Variants in NRXN1 observed in about 807,000 individuals in gnomAD.
NRXN1 encodes neurexin 1, also known as neurexin-1.
In NRXN1, 39 loss-of-function variants were observed where a neutral mutation model predicts 150.9. The observed-to-expected ratio is 0.26, with a 90% CI of 0.20 to 0.34. NRXN1 has a LOEUF of 0.34. Ranked by LOEUF, NRXN1 falls within the 10% of genes least tolerant of loss-of-function variation. NRXN1 has a pLI of 1.00. For missense variants in NRXN1, 1,815 were observed against 1,949.9 expected, an observed-to-expected ratio of 0.93 and a Z score of 1.30; for synonymous variants, 924 against 757.0, an observed-to-expected ratio of 1.22 and a Z score of -3.62.
intron 5 of NRXN1, among the ~76,000 whole-genome samples, chr2:50,880,426 T>C (rs977073794): frequency 6.6e-6 from 1 of 152,008 alleles, no homozygotes; most frequent in African/African-American, 2.4e-5. Context: ...TGTGATCACA[T>C]ATTACATGTC....
chr2:49,921,249 C>T lies in NRXN1; in HGVS notation c.*695G>A, dbSNP rs964258790. 1.3e-5 allele frequency: 2 copies of T among 152,586 alleles called. No homozygotes were observed. The highest frequency in any genetic ancestry group is 4.8e-5 in the African/African-American group (2 of 41,436). The allele number at this position is 152,586 out of a possible 1,614,324, so 9.5% of individuals were successfully genotyped here. On this transcript the variant is annotated 3_prime_UTR_variant, in exon 23 of 23. Transcript: ENST00000401669. ...CATGAAAATTTCCCAATGATTGCAT[C>T]TATGCCCTCTTGTTTTTGTTTTGAA...
rs796052781 is a variant in NRXN1 at position 50,497,397 on chromosome 2, C to T, written c.2815G>A (p.Asp939Asn). The T allele has an allele frequency of 3.1e-6, 5 of 1,597,592 alleles. No homozygotes were observed. In the African/African-American group the frequency reaches 6.7e-5, roughly 21 times the overall value. ...LFFQFKTTSL[D>N]GLILYNSGDG... is the part of the protein sequence containing the mutation. The stretch of plus-strand genomic sequence containing the variant: ...CCACTGTTATATAGAATTAATCCAT[C>T]TAGGGATGTTGTCTTGAACTGGAAA... Residue 939 changes from aspartate to asparagine, a missense_variant, in exon 14 of 23, where the codon GAT becomes AAT. Physicochemically the swap from Asp to Asn is conservative, Grantham distance 23. Transcript: ENST00000401669.
chr2:50,403,968 G>C (rs1016931894), intron 17 of NRXN1, among the ~76,000 whole-genome samples: 1 of 151,972 alleles, frequency 6.6e-6, no homozygotes, highest in South Asian at 2.1e-4. Flanking sequence ...TGCTATACTA[G>C]CAACACCTAT....
At chr2:50,684,635 G>T (rs1690949951) in intron 5 of NRXN1, among the ~76,000 whole-genome samples, 1 of 152,118 alleles carries the variant, frequency 6.6e-6, no homozygotes, top group Admixed American at 6.6e-5. Flanking sequence ...CTGCCTCGAA[G>T]GTGGCCATAA....
At chr2:51,011,391 T>C (rs760401390) in intron 2 of NRXN1, among the ~76,000 whole-genome samples, 8 of 151,970 alleles carry the variant, frequency 5.3e-5, no homozygotes, top group Admixed American at 1.3e-4. Context: ...GATGGGATGA[T>C]AAATTACTAT....
intron 17 of NRXN1, among the ~76,000 whole-genome samples, chr2:50,430,764 A>G (rs1022366055): frequency 6.6e-6 from 1 of 152,218 alleles, no homozygotes; most frequent in Non-Finnish European, 1.5e-5. Context: ...AATTACACCA[A>G]TGACTACAAG....
chr2:50,743,423 A>G (rs1230524147), intron 5 of NRXN1, among the ~76,000 whole-genome samples: 2 of 152,148 alleles, frequency 1.3e-5, no homozygotes, highest in Non-Finnish European at 2.9e-5. Flanking sequence ...TTCAAATGAG[A>G]CAATTTTGTG....
chr2:50,259,718 T>G (rs1391305578), intron 17 of NRXN1, among the ~76,000 whole-genome samples: 1 of 151,920 alleles, frequency 6.6e-6, no homozygotes, highest in African/African-American at 2.4e-5. Flanking sequence ...ATCTGAATAT[T>G]TGCAGTGTTC....
At chr2:50,418,266 C>A (rs978732518) in intron 17 of NRXN1, among the ~76,000 whole-genome samples, 1 of 151,970 alleles carries the variant, frequency 6.6e-6, no homozygotes, top group African/African-American at 2.4e-5. Flanking sequence ...CCTGAACAGG[C>A]TCAAAAAGTT....
intron 17 of NRXN1, among the ~76,000 whole-genome samples, chr2:50,463,732 G>C (rs1323916503): frequency 1.3e-5 from 2 of 151,702 alleles, no homozygotes; most frequent in East Asian, 3.9e-4. Flanking sequence ...ACTGGTATAT[G>C]AGGATACACA....
rs543241200 is a variant in NRXN1 at position 50,783,492 on chromosome 2, C to A, written c.832+138377G>T. ...ATGTCCTCAGAGAATAAAACAAAAT[C>A]ATAGATCAGGGTATTCTTTTTATTT... On this transcript the variant is annotated intron_variant, in intron 5 of 22. Coordinates refer to ENST00000401669, the MANE Select transcript of NRXN1 (RefSeq NM_001330078.2). 2.0e-5 allele frequency among the ~76,000 whole-genome samples: 3 copies of A among 152,186 alleles called. No individual in the cohort carries two copies. In the East Asian group the frequency reaches 5.8e-4, roughly 29 times the overall value.
intron 17 of NRXN1, among the ~76,000 whole-genome samples, chr2:50,459,586 A>G (rs933018345): frequency 2.0e-5 from 3 of 152,072 alleles, no homozygotes; most frequent in Non-Finnish European, 2.9e-5. Flanking sequence ...TCCTGCATTC[A>G]TTTGCTAAGG....
chr2:50,049,272 G>A (rs1218380568), intron 21 of NRXN1, among the ~76,000 whole-genome samples: 1 of 152,104 alleles, frequency 6.6e-6, no homozygotes, highest in African/African-American at 2.4e-5. Context: ...GAAGACAGAG[G>A]TGAAATCTAT....
chr2:50,560,184 T>C (rs563618855), intron 8 of NRXN1, among the ~76,000 whole-genome samples: 2 of 152,316 alleles, frequency 1.3e-5, no homozygotes, highest in African/African-American at 2.4e-5. Context: ...GCATAGGACA[T>C]GATTCTAGCA....
chr2:50,115,327 C>T (rs1702911586), intron 18 of NRXN1, among the ~76,000 whole-genome samples: 2 of 150,614 alleles, frequency 1.3e-5, no homozygotes, highest in Admixed American at 1.3e-4. Flanking sequence ...AGTAGGACCA[C>T]AGAAGAAACA....
intron 5 of NRXN1, among the ~76,000 whole-genome samples, chr2:50,694,346 A>G (rs961234852): frequency 3.9e-5 from 6 of 152,150 alleles, no homozygotes; most frequent in African/African-American, 1.4e-4. Context: ...ATCTTTTTGC[A>G]TCGGTTTCCC....
At chr2:50,806,382 C>A (rs990096611) in intron 5 of NRXN1, among the ~76,000 whole-genome samples, 18 of 152,024 alleles carry the variant, frequency 1.2e-4, no homozygotes, top group African/African-American at 3.6e-4. Context: ...TTAGTAAACC[C>A]CATTATAACA....
chr2:50,942,949 C>T (rs62142991), intron 2 of NRXN1, among the ~76,000 whole-genome samples: 2 of 152,204 alleles, frequency 1.3e-5, no homozygotes, highest in East Asian at 3.9e-4. Context: ...AACCTTATCA[C>T]AAATTGTAAT....
intron 8 of NRXN1, among the ~76,000 whole-genome samples, chr2:50,599,295 A>C (rs906347551): frequency 2.0e-5 from 3 of 152,196 alleles, no homozygotes; most frequent in African/African-American, 7.2e-5. Flanking sequence ...AGAAAGCCTT[A>C]TAAAAATTCA....
Sources: gnomAD v4.1 joint callset for allele counts (sites outside exome capture counted in the v4.1 genomes callset) on GRCh38, gnomAD v4.1.1 for gene constraint, MANE v1.5 for transcripts, NCBI Gene and HGNC (gene_info 2026-07-23, HGNC 2026-07-21) for gene names.